SYT16: variants seen among roughly 807,000 people sequenced by gnomAD.
The protein encoded by SYT16 is synaptotagmin 16.
A neutral mutation model predicts 61.4 loss-of-function variants in SYT16; 42 were observed. That is an observed-to-expected ratio of 0.68 (90% CI 0.53 to 0.89). SYT16 has a LOEUF of 0.89. SYT16 is among the 40% of genes least tolerant of loss of function. The pLI is 0.00. For synonymous variants in SYT16, 314 were observed against 302.3 expected (o/e 1.04, Z -0.40); for missense variants, 804 against 807.3 (o/e 1.00, Z 0.05).
At chr14:61,876,311 C>T (rs1271754065) in intron 1 of SYT16, among the ~76,000 whole-genome samples, 1 of 152,194 alleles carries the variant, frequency 6.6e-6, no homozygotes, top group Admixed American at 6.5e-5. Context: ...GAACAGCTTC[C>T]TCGCACTCAC....
intron 1 of SYT16, among the ~76,000 whole-genome samples, chr14:61,928,403 T>A (rs2049622033): frequency 6.6e-6 from 1 of 152,228 alleles, no homozygotes; most frequent in African/African-American, 2.4e-5. Context: ...CTTGTTCTTG[T>A]TTTCAGCTTT....
At chr14:62,058,592 G>T (rs1223706976) in intron 3 of SYT16, among the ~76,000 whole-genome samples, 1 of 152,002 alleles carries the variant, frequency 6.6e-6, no homozygotes, top group African/African-American at 2.4e-5. Context: ...CTCGACCTCT[G>T]ATCTTAGTTG....
chr14:62,058,577 C>T (rs2055675578), intron 3 of SYT16, among the ~76,000 whole-genome samples: 1 of 152,034 alleles, frequency 6.6e-6, no homozygotes, highest in Non-Finnish European at 1.5e-5. Context: ...GCTGGCCAGG[C>T]TGGTCTCGAC....
intron 7 of SYT16, among the ~76,000 whole-genome samples, chr14:62,098,884 T>C (rs1158065534): frequency 6.6e-6 from 1 of 152,070 alleles, no homozygotes; most frequent in Admixed American, 6.5e-5. Flanking sequence ...GGTCAGCAAA[T>C]ATTCCCAGAT....
At chr14:61,867,953 G>T (rs1462843069) in intron 1 of SYT16, among the ~76,000 whole-genome samples, 1 of 152,046 alleles carries the variant, frequency 6.6e-6, no homozygotes, top group Non-Finnish European at 1.5e-5. Flanking sequence ...CTGTTAATAT[G>T]TTGAATTACA....
At chr14:61,940,327 C>T (rs981017394) in intron 1 of SYT16, among the ~76,000 whole-genome samples, 3 of 151,806 alleles carry the variant, frequency 2.0e-5, no homozygotes, top group African/African-American at 7.3e-5. Context: ...GTTCCTCTCT[C>T]TTGATTTGAG....
intron 2 of SYT16, among the ~76,000 whole-genome samples, chr14:61,985,061 T>C (rs1257185488): frequency 3.9e-5 from 6 of 152,152 alleles, no homozygotes; most frequent in Admixed American, 3.9e-4. Context: ...GAGGATCTGA[T>C]TATTAATGTT....
chr14:62,080,962 A>T lies in SYT16; in HGVS notation c.1122A>T (p.Ala374=), dbSNP rs777063351. The change falls in exon 6 of 8, where the codon GCA becomes GCT. Residue 374 remains alanine, a synonymous_variant. Coordinates refer to ENST00000683842, the MANE Select transcript of SYT16 (RefSeq NM_001367656.1). Reference sequence around the variant, plus strand: ...AGCTCACAGTGACCATTGTGAGGGCACAGGGCCTCCCAGATAAGGACCGAA... The same window carrying T: ...AGCTCACAGTGACCATTGTGAGGGCTCAGGGCCTCCCAGATAAGGACCGAA... ...SQKLTVTIVR[A]QGLPDKDRSG... is the part of the protein sequence containing the mutation. The T allele has an allele frequency of 6.2e-7, 1 of 1,612,682 alleles. No individual in the cohort carries two copies.
At chr14:62,033,633 A>T (rs1038934062) in intron 3 of SYT16, among the ~76,000 whole-genome samples, 9 of 152,112 alleles carry the variant, frequency 5.9e-5, no homozygotes, top group Non-Finnish European at 1.3e-4. Context: ...AAGACATGAG[A>T]GCTGCTGTAT....
chr14:61,971,823 A>G (rs940581154), intron 2 of SYT16, among the ~76,000 whole-genome samples: 14 of 152,178 alleles, frequency 9.2e-5, no homozygotes, highest in African/African-American at 3.4e-4. Flanking sequence ...ACTTATTCTG[A>G]AAATAGAATG....
At chr14:61,903,153 G>A (rs894720641) in intron 1 of SYT16, among the ~76,000 whole-genome samples, 1 of 152,082 alleles carries the variant, frequency 6.6e-6, no homozygotes, top group African/African-American at 2.4e-5. Flanking sequence ...ACTGGATTAG[G>A]GGCCCATCTT....
chr14:61,858,094 A>G (rs775663449), intron 1 of SYT16, among the ~76,000 whole-genome samples: 4 of 139,562 alleles, frequency 2.9e-5, no homozygotes, highest in Non-Finnish European at 6.2e-5. Context: ...TTCACTTACA[A>G]TTCCAGAAGG....
intron 1 of SYT16, among the ~76,000 whole-genome samples, chr14:61,906,294 T>C (rs906726746): frequency 2.0e-5 from 3 of 152,164 alleles, no homozygotes; most frequent in Admixed American, 1.3e-4. Flanking sequence ...ATTCCTTATG[T>C]TTTTTAGTAG....
chr14:61,978,402 G>A (rs953448919), intron 2 of SYT16, among the ~76,000 whole-genome samples: 3 of 152,212 alleles, frequency 2.0e-5, no homozygotes, highest in African/African-American at 7.2e-5. Context: ...TGTAACAAAA[G>A]CTTGTCAGAC....
Position 61,892,191 on chromosome 14 carries a change from C to A in SYT16, c.-324-77941C>A, listed in dbSNP as rs542652029. The stretch of plus-strand genomic sequence containing the variant: ...TCCCTTCTCTCTCGCTTCTTCCTCG[C>A]ATCTTTCCCCTGACCCTCCGTCTCT... On this transcript the variant is annotated intron_variant, in intron 1 of 7. Coordinates refer to ENST00000683842, the MANE Select transcript of SYT16 (RefSeq NM_001367656.1). Among the ~76,000 whole-genome samples the A allele has an allele frequency of 9.2e-5, 14 of 152,160 alleles. No homozygotes were observed. In the South Asian group the frequency reaches 2.9e-3, roughly 32 times the overall value.
intron 1 of SYT16, among the ~76,000 whole-genome samples, chr14:61,937,476 C>A (rs887680121): frequency 6.6e-6 from 1 of 152,186 alleles, no homozygotes; most frequent in Non-Finnish European, 1.5e-5. Flanking sequence ...GTTTCCAACT[C>A]CGACCTGTGC....
chr14:62,059,777 TAC>T (rs34498170), intron 3 of SYT16, among the ~76,000 whole-genome samples: 3,515 of 146,568 alleles, frequency 0.024, 47 homozygotes, highest in South Asian at 0.048. Context: ...TGTATACACA[TAC>T]ACACACACAC....
chr14:61,994,762 C>T (rs906265940), intron 2 of SYT16, among the ~76,000 whole-genome samples: 1 of 152,122 alleles, frequency 6.6e-6, no homozygotes, highest in Non-Finnish European at 1.5e-5. Flanking sequence ...CTCAGGATTA[C>T]CTTATCCCTG....
intron 1 of SYT16, among the ~76,000 whole-genome samples, chr14:61,849,830 A>G (rs1376807225): frequency 2.0e-5 from 3 of 152,030 alleles, no homozygotes; most frequent in Non-Finnish European, 4.4e-5. Context: ...TTTTGTGTGG[A>G]TAGTTGTTCC....
Sources: gnomAD v4.1 joint callset for allele counts (sites outside exome capture counted in the v4.1 genomes callset) on GRCh38, gnomAD v4.1.1 for gene constraint, MANE v1.5 for transcripts, NCBI Gene and HGNC (gene_info 2026-07-23, HGNC 2026-07-21) for gene names.